Variants in SCARA3 observed in about 807,000 individuals in gnomAD.
SCARA3 encodes scavenger receptor class A member 3.
In SCARA3, 39 loss-of-function variants were observed where a neutral mutation model predicts 47.0. The observed-to-expected ratio is 0.83, with a 90% CI of 0.64 to 1.08. The LOEUF (loss-of-function observed/expected upper bound fraction) is 1.08. Ranked by LOEUF, SCARA3 falls within the 50% of genes least tolerant of loss-of-function variation. The pLI is 0.00. For missense variants in SCARA3, 724 were observed against 792.3 expected (o/e 0.91, Z 1.04); for synonymous variants, 356 against 334.1 (o/e 1.07, Z -0.71).
chr8:27,659,452 G>T lies in SCARA3; in HGVS notation c.1282G>T (p.Val428Phe), dbSNP rs34086286. The T allele has an allele frequency of 4.3e-6, 7 of 1,613,918 alleles. No homozygotes were observed. The highest frequency in any genetic ancestry group is 2.2e-5 in the South Asian group (2 of 91,046). ...GCTCAGTGCCCGGCTGGACCTCAAC[G>T]TCCGGAACCTCTCCATGATCGTGGA... ...SLLSARLDLN[V>F]RNLSMIVEEM... The change falls in exon 5 of 6, where the codon GTC becomes TTC. Residue 428 changes from valine to phenylalanine, a missense_variant. Transcript: ENST00000301904.
chr8:27,682,639 A>G, the SCARA3 span, among the ~76,000 whole-genome samples: 5 of 152,218 alleles, frequency 3.3e-5, no homozygotes, highest in African/African-American at 1.2e-4. Flanking sequence ...CAGCATTTAC[A>G]ACTATCAGGT....
At chr8:27,723,956 G>A in the SCARA3 span, among the ~76,000 whole-genome samples, 6 of 152,056 alleles carry the variant, frequency 3.9e-5, no homozygotes, top group Non-Finnish European at 8.8e-5. Context: ...GGCTGGTCTC[G>A]AACACATAGC....
At chr8:27,666,359 C>G (rs999538507) in intron 5 of SCARA3, among the ~76,000 whole-genome samples, 2 of 152,204 alleles carry the variant, frequency 1.3e-5, no homozygotes, top group Non-Finnish European at 2.9e-5. Flanking sequence ...TGGTATCCCT[C>G]CAAAGCCTCC....
the SCARA3 span, among the ~76,000 whole-genome samples, chr8:27,715,949 G>T: frequency 1.3e-5 from 2 of 152,290 alleles, no homozygotes; most frequent in East Asian, 3.9e-4. The surrounding 1 kb of genome is among the most constrained non-coding windows in gnomAD (Gnocchi z 4.2). Flanking sequence ...TACTGAGAGG[G>T]CCTGAGAGCA....
chr8:27,694,009 C>T, the SCARA3 span, among the ~76,000 whole-genome samples: 2 of 152,188 alleles, frequency 1.3e-5, no homozygotes. Context: ...CACAAGTCAT[C>T]AGGACCTCCT....
At chr8:27,678,432 TG>T (rs150398529), downstream of SCARA3, among the ~76,000 whole-genome samples, 7,224 of 152,180 alleles carry the variant, frequency 0.047, 592 homozygotes, top group African/African-American at 0.16. Flanking sequence ...TACATGAAAG[TG>T]GACAAAGTTC....
chr8:27,730,247 G>C, the SCARA3 span, among the ~76,000 whole-genome samples: 8 of 152,224 alleles, frequency 5.3e-5, no homozygotes, highest in East Asian at 1.5e-3. Flanking sequence ...GCCCGCTCAA[G>C]GGTAGGGACA....
chr8:27,681,310 T>C (rs1208666826), downstream of SCARA3, among the ~76,000 whole-genome samples: 1 of 145,322 alleles, frequency 6.9e-6, no homozygotes, highest in Non-Finnish European at 1.5e-5. Flanking sequence ...CAAAAGTCAA[T>C]TGTATCTCTA....
chr8:27,671,400 G>A lies in SCARA3; in HGVS notation c.*49G>A, dbSNP rs900120308. The A allele has an allele frequency of 1.0e-5, 14 of 1,366,432 alleles. No homozygotes were observed. Among genetic ancestry groups the A allele is most frequent in the Non-Finnish European group, 1.3e-5 (14 of 1,065,392 alleles). The allele number at this position is 1,366,432 out of a possible 1,614,324, so 84.6% of individuals were successfully genotyped here. A position where few individuals can be genotyped will look rare whatever the true frequency, so the allele number is the denominator to read the frequency against. On this transcript the variant is annotated 3_prime_UTR_variant, in exon 6 of 6. Transcript: ENST00000301904. ...TCACACAGAATGCCGGAGGGGCGCA[G>A]AGCAGATCCAGGCCCCAGAAAGCCT...
chr8:27,727,230 A>G, the SCARA3 span, among the ~76,000 whole-genome samples: 3 of 149,998 alleles, frequency 2.0e-5, no homozygotes, highest in Non-Finnish European at 4.5e-5. Context: ...CTCTGAGATC[A>G]ACACGTAGTA....
the SCARA3 span, among the ~76,000 whole-genome samples, chr8:27,726,630 G>A: frequency 2.6e-5 from 4 of 151,556 alleles, no homozygotes; most frequent in African/African-American, 9.7e-5. Context: ...AAACTGGAAG[G>A]TGGAGGTTGC....
At chr8:27,653,186 G>A (rs972315023) in intron 3 of SCARA3, among the ~76,000 whole-genome samples, 13 of 152,246 alleles carry the variant, frequency 8.5e-5, no homozygotes, top group Non-Finnish European at 1.5e-4. Context: ...AGCTCCAAGA[G>A]CCACAGGATC....
intron 1 of SCARA3, among the ~76,000 whole-genome samples, chr8:27,639,080 G>A (rs1485336910): frequency 6.6e-6 from 1 of 152,150 alleles, no homozygotes; most frequent in Non-Finnish European, 1.5e-5. Flanking sequence ...GTGGAGACCT[G>A]CAGGCACCTT....
chr8:27,657,477 C>T (rs1275920636), intron 4 of SCARA3, among the ~76,000 whole-genome samples: 1 of 141,562 alleles, frequency 7.1e-6, no homozygotes, highest in Non-Finnish European at 1.5e-5. Context: ...CCCCCTCCCT[C>T]CTCTCCCATC....
At chr8:27,709,178 G>T in the SCARA3 span, among the ~76,000 whole-genome samples, 1 of 152,202 alleles carries the variant, frequency 6.6e-6, no homozygotes, top group Non-Finnish European at 1.5e-5. Context: ...TCAGGCAGGC[G>T]CATTCTCCAG....
chr8:27,717,405 T>C, the SCARA3 span, among the ~76,000 whole-genome samples: 1 of 152,118 alleles, frequency 6.6e-6, no homozygotes, highest in South Asian at 2.1e-4. Flanking sequence ...AGTGGGAGAA[T>C]GGAAGGAGTC....
the SCARA3 span, among the ~76,000 whole-genome samples, chr8:27,709,087 C>G: frequency 0.014 from 2,095 of 152,246 alleles, 117 homozygotes; most frequent in East Asian, 0.2. Context: ...GTTGACTTTC[C>G]TTTTCTCTCC....
the SCARA3 span, among the ~76,000 whole-genome samples, chr8:27,714,193 CT>C: frequency 0.01 from 1,154 of 114,108 alleles, 4 homozygotes; most frequent in East Asian, 0.032. Context: ...TCAGGTATTC[CT>C]TTTTTTTTTT....
At chr8:27,733,306 A>T in the SCARA3 span, 4 of 152,250 alleles carry the variant, frequency 2.6e-5, no homozygotes, top group South Asian at 4.1e-4. Context: ...AATCTCTCTC[A>T]CACACACAGT....
Sources: allele counts gnomAD v4.1 joint callset (sites outside exome capture counted in the v4.1 genomes callset), GRCh38; gene constraint gnomAD v4.1.1; non-coding constraint Gnocchi (gnomAD v3.1); transcripts MANE v1.5; gene names NCBI Gene and HGNC (gene_info 2026-07-23, HGNC 2026-07-21).